Variants in BCKDHB observed in about 807,000 individuals in gnomAD.
BCKDHB encodes branched chain keto acid dehydrogenase E1 subunit beta.
A neutral mutation model predicts 48.5 loss-of-function variants in BCKDHB; 41 were observed. That is an observed-to-expected ratio of 0.85 (90% CI 0.66 to 1.10). The LOEUF is 1.10. Among genes scored for constraint, BCKDHB ranks in the 50% least tolerant of loss-of-function variants. The pLI is 0.00. For missense variants in BCKDHB, 496 were observed against 494.2 expected (o/e 1.00, Z -0.03); for synonymous variants, 201 against 174.8 (o/e 1.15, Z -1.18).
chr6:80,450,029 T>C, the BCKDHB span, among the ~76,000 whole-genome samples: 1 of 152,292 alleles, frequency 6.6e-6, no homozygotes, highest in Admixed American at 6.5e-5. Context: ...TATATTCAAA[T>C]AATTGCAGTC....
chr6:80,341,072 G>C (rs931429662), intron 9 of BCKDHB, among the ~76,000 whole-genome samples: 2 of 152,144 alleles, frequency 1.3e-5, no homozygotes, highest in African/African-American at 4.8e-5. Context: ...ATTTCAAGCT[G>C]TTTCAGTCAG....
At position 80,118,771 on chromosome 6, in the gene BCKDHB, A is replaced by T. The variant is rs576322734; in HGVS notation, c.197-8776A>T. ...ATTAGCAATGGATTTCATCTCAAGG[A>T]TCCACTTTTTTTTTTGAATTCATAG... On this transcript the variant is annotated intron_variant, in intron 1 of 9. Coordinates refer to ENST00000320393, the MANE Select transcript of BCKDHB (RefSeq NM_183050.4). Among the ~76,000 whole-genome samples, 12 of 119,638 alleles carry T rather than the reference A, an allele frequency of 1.0e-4. No individual in the cohort carries two copies. The East Asian group carries it at 1.1e-3, about 11-fold the overall frequency. The allele number at this position is 119,638 out of a possible 152,430, so 78.5% of individuals were successfully genotyped here.
At chr6:80,139,149 T>G (rs1207723374) in intron 3 of BCKDHB, among the ~76,000 whole-genome samples, 3 of 152,204 alleles carry the variant, frequency 2.0e-5, no homozygotes, top group African/African-American at 7.2e-5. Context: ...TTGATGGGGT[T>G]GTTTGTCTTT....
At chr6:80,399,696 A>G in the BCKDHB span, among the ~76,000 whole-genome samples, 29 of 152,160 alleles carry the variant, frequency 1.9e-4, no homozygotes, top group Non-Finnish European at 3.7e-4. Flanking sequence ...ATTTAACACT[A>G]TTCCTATAAA....
At chr6:80,313,263 G>A (rs941096891) in intron 9 of BCKDHB, among the ~76,000 whole-genome samples, 4 of 152,164 alleles carry the variant, frequency 2.6e-5, no homozygotes, top group Non-Finnish European at 5.9e-5. Context: ...TCTGGCATCA[G>A]TGGTAATATC....
At chr6:80,347,108 G>A (rs1252131678), downstream of BCKDHB, among the ~76,000 whole-genome samples, 2 of 152,168 alleles carry the variant, frequency 1.3e-5, no homozygotes, top group African/African-American at 4.8e-5. Context: ...ATTTGAAGGA[G>A]GATACAGAAG....
At chr6:80,279,580 T>C (rs1334255168) in intron 9 of BCKDHB, among the ~76,000 whole-genome samples, 1 of 151,824 alleles carries the variant, frequency 6.6e-6, no homozygotes, top group African/African-American at 2.4e-5. Context: ...GGATCCTCAT[T>C]GGGTCTAGCA....
intron 9 of BCKDHB, among the ~76,000 whole-genome samples, chr6:80,331,933 G>C (rs1003564278): frequency 6.6e-6 from 1 of 151,754 alleles, no homozygotes; most frequent in Admixed American, 6.6e-5. Flanking sequence ...TATTTGTTAT[G>C]TCAATTGTAA....
intron 9 of BCKDHB, among the ~76,000 whole-genome samples, chr6:80,318,321 G>A (rs964138576): frequency 3.9e-5 from 6 of 152,120 alleles, no homozygotes; most frequent in African/African-American, 1.4e-4. Context: ...TGGGATGGAT[G>A]TCTGTATATA....
the BCKDHB span, among the ~76,000 whole-genome samples, chr6:80,402,480 G>T: frequency 6.6e-6 from 1 of 151,688 alleles, no homozygotes; most frequent in Non-Finnish European, 1.5e-5. Flanking sequence ...CTTTTGGGTT[G>T]TATGACTTCC....
chr6:80,203,102 G>A lies in BCKDHB; in HGVS notation c.841G>A (p.Val281Ile), dbSNP rs1774473126. The A allele has an allele frequency of 6.2e-7, 1 of 1,607,438 alleles. No individual in the cohort carries two copies. Among genetic ancestry groups the A allele is most frequent in the African/African-American group, 1.3e-5 (1 of 74,668 alleles). ...CTGCATATTTTTCTCTTTATTTCAG[G>A]TTCATGTGATCCGAGAGGTAGCTTC... Reference protein sequence around the residue: ...DVTLVAWGTQVHVIREVASMA... With the variant: ...DVTLVAWGTQIHVIREVASMA... The change falls in exon 8 of 10, where the codon GTT becomes ATT. Residue 281 changes from valine to isoleucine, a missense_variant and splice_region_variant. By Grantham distance (29) the Val-to-Ile change is conservative. Coordinates refer to ENST00000320393, the MANE Select transcript of BCKDHB (RefSeq NM_183050.4).
intron 9 of BCKDHB, among the ~76,000 whole-genome samples, chr6:80,284,400 T>C (rs1766526717): frequency 6.6e-6 from 1 of 152,128 alleles, no homozygotes; most frequent in Non-Finnish European, 1.5e-5. Flanking sequence ...TCTATCAATA[T>C]TAATGTGAGT....
In BCKDHB at chr6:80,203,212, G is replaced by C. The variant is rs1774481763; in HGVS notation, c.951G>C (p.Lys317Asn). 6.4e-7 allele frequency: 1 copy of C among 1,574,602 alleles called. No homozygotes were observed. The highest frequency in any genetic ancestry group is 2.2e-5 in the East Asian group (1 of 44,638). ...CTTGGGATGTGGACACAATTTGTAA[G>C]GTATGAATATAATGGTGATAGAATG... is the stretch of plus-strand genomic sequence containing the variant. The part of the protein sequence containing the change: ...IIPWDVDTIC[K>N]SVIKTGRLLI... Residue 317 changes from lysine (K) to asparagine (N), a missense_variant and splice_region_variant, in exon 8 of 10, where the codon AAG becomes AAC. Physicochemically the swap from Lys to Asn is moderately conservative, Grantham distance 94. Transcript: ENST00000320393.
intron 6 of BCKDHB, among the ~76,000 whole-genome samples, chr6:80,190,868 T>A (rs941827281): frequency 2.0e-5 from 3 of 152,112 alleles, no homozygotes; most frequent in Non-Finnish European, 4.4e-5. Flanking sequence ...CCACTGAGGT[T>A]TTTGAGGCAC....
chr6:80,185,000 A>G (rs540194768), intron 6 of BCKDHB, among the ~76,000 whole-genome samples: 4 of 152,186 alleles, frequency 2.6e-5, no homozygotes, highest in African/African-American at 9.7e-5. Context: ...AGGACAGGGA[A>G]GTTTTTCTCT....
intron 3 of BCKDHB, among the ~76,000 whole-genome samples, chr6:80,139,126 C>G (rs1771050549): frequency 6.6e-6 from 1 of 152,148 alleles, no homozygotes; most frequent in Non-Finnish European, 1.5e-5. Flanking sequence ...TGTTCATGTC[C>G]TTCGCCCACT....
intron 8 of BCKDHB, among the ~76,000 whole-genome samples, chr6:80,238,282 A>G (rs993390376): frequency 2.0e-5 from 3 of 152,008 alleles, no homozygotes; most frequent in Non-Finnish European, 2.9e-5. Context: ...ATTTTTTAGT[A>G]TAGACTGGGT....
At chr6:80,380,992 G>A in the BCKDHB span, among the ~76,000 whole-genome samples, 1 of 151,762 alleles carries the variant, frequency 6.6e-6, no homozygotes, top group Non-Finnish European at 1.5e-5. Context: ...TGAAGAGAGG[G>A]GATTTTAATT....
At chr6:80,451,966 T>C in the BCKDHB span, among the ~76,000 whole-genome samples, 6 of 152,164 alleles carry the variant, frequency 3.9e-5, no homozygotes, top group African/African-American at 1.4e-4. Flanking sequence ...CAAATCTCAG[T>C]GAATTGAAAC....
Sources: allele counts gnomAD v4.1 joint callset (sites outside exome capture counted in the v4.1 genomes callset), GRCh38; gene constraint gnomAD v4.1.1; transcripts MANE v1.5; gene names NCBI Gene and HGNC (gene_info 2026-07-23, HGNC 2026-07-21).